Variants in SGIP1 observed in about 807,000 individuals in gnomAD.
SGIP1 encodes SH3GL interacting endocytic adaptor 1, also known as SH3-containing GRB2-like protein 3-interacting protein 1.
SGIP1 carries 38 observed loss-of-function variants against 107.5 expected under a neutral mutation model. That is an observed-to-expected ratio of 0.35 (90% confidence interval 0.27 to 0.46). The LOEUF (loss-of-function observed/expected upper bound fraction) is 0.46. SGIP1 is among the 20% of genes least tolerant of loss of function. SGIP1 has a pLI of 1.00. For synonymous variants in SGIP1, 365 were observed against 366.1 expected (o/e 1.00, Z 0.03); for missense variants, 929 against 1,019.5 (o/e 0.91, Z 1.21).
intron 8 of SGIP1, chr1:66,666,345 AC>A: frequency 5.5e-6 from 1 of 180,676 alleles, no homozygotes; most frequent in South Asian, 1.0e-4. Context: ...CTGTTTAGGT[AC>A]CAGCAGCATG....
chr1:66,607,869 G>A (rs556134046), intron 1 of SGIP1, among the ~76,000 whole-genome samples: 1 of 152,310 alleles, frequency 6.6e-6, no homozygotes, highest in African/African-American at 2.4e-5. Context: ...ACACTAGCAA[G>A]AAAACTGAGT....
At chr1:66,536,769 T>A in intron 1 of SGIP1, among the ~76,000 whole-genome samples, 1 of 146,646 alleles carries the variant, frequency 6.8e-6, no homozygotes, top group East Asian at 2.3e-4. Flanking sequence ...CTAGTGTGTC[T>A]CACACACACA....
rs767122206 is a variant in SGIP1, at chr1:66,682,195, A to C, written c.1141A>C (p.Lys381Gln). The C allele has an allele frequency of 2.5e-6, 4 of 1,614,104 alleles. No individual in the cohort carries two copies. In the East Asian group the frequency reaches 8.9e-5, roughly 36 times the overall value. Reference protein sequence around the residue: ...LSPLNLEEVQKKVAEQTFIKD... With the variant: ...LSPLNLEEVQQKVAEQTFIKD... ...GCCGCTCAATTTAGAAGAAGTCCAG[A>C]AGAAAGTCGCTGAGCAGACCTTCAT... Residue 381 changes from lysine to glutamine, a missense_variant, in exon 15 of 25, where the codon AAG becomes CAG. Lys to Gln is a moderately conservative substitution (Grantham distance 53). Coordinates refer to ENST00000371037, the MANE Select transcript of SGIP1 (RefSeq NM_032291.4).
At chr1:66,625,946 T>A in intron 2 of SGIP1, 36 bp downstream of exon 2, 1 of 1,564,876 alleles carries the variant, frequency 6.4e-7, no homozygotes, top group South Asian at 1.1e-5. Context: ...TCGAAGAAGC[T>A]ATTTGCATAA....
At chr1:66,681,804 C>A in intron 14 of SGIP1, 65 bp from the exon 15 acceptor site, 2 of 1,517,748 alleles carry the variant, frequency 1.3e-6, no homozygotes, top group South Asian at 2.6e-5. Context: ...TCTTTGCCTC[C>A]CTCCCTCACT....
chr1:66,539,888 G>T (rs2054502176), intron 1 of SGIP1, among the ~76,000 whole-genome samples: 1 of 140,170 alleles, frequency 7.1e-6, no homozygotes. Flanking sequence ...GCTTGTGGTT[G>T]CTTTCAGTGC....
intron 7 of SGIP1, among the ~76,000 whole-genome samples, chr1:66,647,891 G>A (rs1190133713): frequency 6.6e-6 from 1 of 152,134 alleles, no homozygotes; most frequent in Non-Finnish European, 1.5e-5. Flanking sequence ...ATGAACAAAT[G>A]GTAAAGCCCC....
intron 5 of SGIP1, among the ~76,000 whole-genome samples, chr1:66,642,191 C>T (rs1195101533): frequency 6.6e-6 from 1 of 152,136 alleles, no homozygotes; most frequent in Non-Finnish European, 1.5e-5. Flanking sequence ...TCCCCATCTC[C>T]CGCTGTGCAG....
chr1:66,551,718 G>T (rs1298552222), intron 1 of SGIP1, among the ~76,000 whole-genome samples: 1 of 152,070 alleles, frequency 6.6e-6, no homozygotes, highest in Non-Finnish European at 1.5e-5. Flanking sequence ...CTTAGGTGTT[G>T]CCTTTTTACT....
At chr1:66,605,778 G>A (rs564199616) in intron 1 of SGIP1, among the ~76,000 whole-genome samples, 8 of 152,224 alleles carry the variant, frequency 5.3e-5, no homozygotes, top group African/African-American at 1.7e-4. Flanking sequence ...AGGATACAAC[G>A]TTTTAGCATT....
At chr1:66,727,751 G>A (rs181972165) in intron 19 of SGIP1, among the ~76,000 whole-genome samples, 2 of 152,216 alleles carry the variant, frequency 1.3e-5, no homozygotes, top group East Asian at 3.9e-4. Flanking sequence ...AAATAATTAT[G>A]TGCAGTGAAA....
intron 1 of SGIP1, among the ~76,000 whole-genome samples, chr1:66,536,780 C>CAT (rs148103685): frequency 0.16 from 24,713 of 152,084 alleles, 2,176 homozygotes; most frequent in East Asian, 0.35. Flanking sequence ...CACACACACA[C>CAT]AGAGTCATCC....
Position 66,748,062 on chromosome 1 carries a change from G to C in SGIP1, c.*4967G>C, listed in dbSNP as rs1274342000. The C allele has an allele frequency of 2.0e-5, 3 of 151,908 alleles. No homozygotes were observed. The highest frequency in any genetic ancestry group is 7.2e-5 in the African/African-American group (3 of 41,418). 9.4% of individuals were successfully genotyped at this position (151,908 alleles called of 1,614,324 possible). ...GTTACATTGATTAAAGGGACTATTT[G>C]GATGACCAGCCTCACCATCTTTTAC... On this transcript the variant is annotated 3_prime_UTR_variant, in exon 25 of 25. Transcript: ENST00000371037.
chr1:66,715,387 T>G (rs2093177363), intron 18 of SGIP1, among the ~76,000 whole-genome samples: 1 of 152,082 alleles, frequency 6.6e-6, no homozygotes, highest in Non-Finnish European at 1.5e-5. Flanking sequence ...TTTCTGTGTT[T>G]CTGCTTCCCT....
intron 1 of SGIP1, among the ~76,000 whole-genome samples, chr1:66,572,985 T>G (rs80133830): frequency 3.9e-5 from 6 of 152,018 alleles, no homozygotes; most frequent in Non-Finnish European, 5.9e-5. Flanking sequence ...ATTCCACTTA[T>G]AGTAAATGTC....
intron 1 of SGIP1, chr1:66,590,707 T>G (rs959022733): frequency 2.0e-5 from 3 of 152,240 alleles, no homozygotes; most frequent in African/African-American, 7.2e-5. Context: ...GAATCTTAAG[T>G]GCATATTACT....
At chr1:66,534,038 G>A, upstream of SGIP1, 1 of 458,240 alleles carries the variant, frequency 2.2e-6, no homozygotes, top group Non-Finnish European at 3.9e-6. Context: ...GGGGTATTGT[G>A]TCAGGAGATG....
intron 1 of SGIP1, among the ~76,000 whole-genome samples, chr1:66,553,804 C>T (rs963214482): frequency 7.9e-5 from 12 of 152,132 alleles, no homozygotes; most frequent in African/African-American, 2.9e-4. Context: ...CTTCTTCCTA[C>T]ACTAACCTCT....
intron 1 of SGIP1, among the ~76,000 whole-genome samples, chr1:66,557,901 G>T (rs1351940901): frequency 2.6e-5 from 4 of 152,158 alleles, no homozygotes; most frequent in East Asian, 3.9e-4. Flanking sequence ...AATACTTTTT[G>T]AATTCTTCCA....
Sources: allele counts gnomAD v4.1 joint callset (sites outside exome capture counted in the v4.1 genomes callset), GRCh38; gene constraint gnomAD v4.1.1; transcripts MANE v1.5; gene names NCBI Gene and HGNC (gene_info 2026-07-23, HGNC 2026-07-21).